FER: variants seen among roughly 807,000 people sequenced by gnomAD.
FER encodes FER tyrosine kinase.
A neutral mutation model predicts 111.0 loss-of-function variants in FER; 63 were observed. The observed-to-expected ratio is 0.57, with a 90% CI of 0.46 to 0.70. The LOEUF (loss-of-function observed/expected upper bound fraction) is 0.70. Among genes scored for constraint, FER ranks in the 30% least tolerant of loss-of-function variants. The pLI, the probability that FER is intolerant of heterozygous loss-of-function variation, is 0.00. For synonymous variants in FER, 327 were observed against 313.9 expected (o/e 1.04, Z -0.44); for missense variants, 914 against 954.0 (o/e 0.96, Z 0.55).
chr5:108,766,267 A>G (rs1054167897), intron 1 of FER, among the ~76,000 whole-genome samples: 3 of 152,214 alleles, frequency 2.0e-5, no homozygotes, highest in Non-Finnish European at 4.4e-5. Context: ...TAATTTTGTC[A>G]TGAATTTTAT....
intron 13 of FER, among the ~76,000 whole-genome samples, chr5:109,034,128 T>A (rs1365251144): frequency 6.6e-6 from 1 of 152,214 alleles, no homozygotes; most frequent in Non-Finnish European, 1.5e-5. Context: ...TTGGTCAACT[T>A]ATCTCCATTC....
intron 10 of FER, among the ~76,000 whole-genome samples, chr5:108,927,945 CG>C (rs1754015080): frequency 6.6e-6 from 1 of 152,112 alleles, no homozygotes. Flanking sequence ...GCACCAACTC[CG>C]GACTGCTTAC....
At position 108,902,901 on chromosome 5, in the gene FER, ATATTTATT is replaced by A. The variant is rs140692614; in HGVS notation, c.1236+5074_1236+5081del. ...AGTAAACATCAGCTGCTTTCTTATT[ATATTTATT>A]TATTTATTTATTTATTTATTAAGAG... On this transcript the variant is annotated intron_variant, in intron 10 of 19. Coordinates refer to ENST00000281092, the MANE Select transcript of FER (RefSeq NM_005246.4). Among the ~76,000 whole-genome samples, 69 of 151,064 alleles carry A rather than the reference ATATTTATT, an allele frequency of 4.6e-4. No individual in the cohort carries two copies. The Middle Eastern group carries it at 0.014, about 30-fold the overall frequency.
At chr5:109,044,143 A>G (rs1771598201) in intron 14 of FER, among the ~76,000 whole-genome samples, 1 of 151,466 alleles carries the variant, frequency 6.6e-6, no homozygotes, top group Non-Finnish European at 1.5e-5. Flanking sequence ...AGATTTCAAA[A>G]TGTCATCTCT....
At chr5:108,786,735 C>T (rs1207568536) in intron 2 of FER, among the ~76,000 whole-genome samples, 9 of 152,092 alleles carry the variant, frequency 5.9e-5, no homozygotes, top group African/African-American at 1.9e-4. Flanking sequence ...CTCCTAACCT[C>T]GTGATCCGCC....
At chr5:108,779,009 T>TC (rs1029854784) in intron 2 of FER, among the ~76,000 whole-genome samples, 5 of 139,396 alleles carry the variant, frequency 3.6e-5, no homozygotes, top group African/African-American at 8.2e-5. Context: ...GTGTCTAGGC[T>TC]CTTTTTTTTT....
At chr5:108,927,515 T>C (rs1331672137) in intron 10 of FER, among the ~76,000 whole-genome samples, 1 of 152,268 alleles carries the variant, frequency 6.6e-6, no homozygotes, top group East Asian at 1.9e-4. Flanking sequence ...TGCCTCGGCC[T>C]CCCAAAGTGC....
intron 2 of FER, among the ~76,000 whole-genome samples, chr5:108,770,589 G>A (rs887505586): frequency 6.6e-6 from 1 of 151,736 alleles, no homozygotes; most frequent in African/African-American, 2.4e-5. Context: ...GTTATGTTGT[G>A]CAGGCTGTTC....
At chr5:108,968,099 C>T (rs1362286467) in intron 13 of FER, among the ~76,000 whole-genome samples, 2 of 152,078 alleles carry the variant, frequency 1.3e-5, no homozygotes, top group Non-Finnish European at 2.9e-5. Flanking sequence ...AAATTACCTG[C>T]TAAAAGTGGC....
chr5:108,846,644 G>A (rs958182187), intron 5 of FER, among the ~76,000 whole-genome samples: 1 of 151,620 alleles, frequency 6.6e-6, no homozygotes, highest in Non-Finnish European at 1.5e-5. Context: ...GTGCAGTGGC[G>A]CGATCACGGC....
chr5:109,088,763 T>A (rs189775161), intron 16 of FER, among the ~76,000 whole-genome samples: 2 of 152,248 alleles, frequency 1.3e-5, no homozygotes, highest in Admixed American at 1.3e-4. Context: ...GATTACCTAC[T>A]AGGTAGTACC....
intron 15 of FER, among the ~76,000 whole-genome samples, chr5:109,045,937 T>A (rs138939850): frequency 5.9e-5 from 9 of 152,366 alleles, no homozygotes; most frequent in Admixed American, 5.2e-4. Flanking sequence ...AGCCAGTTCT[T>A]TTATAAACAA....
chr5:109,093,645 T>C (rs1037213108), intron 16 of FER, among the ~76,000 whole-genome samples: 2 of 152,166 alleles, frequency 1.3e-5, no homozygotes, highest in African/African-American at 4.8e-5. Flanking sequence ...CAGAAAATAT[T>C]GTTGACATTT....
At chr5:108,791,807 G>C (rs1755412816) in intron 2 of FER, among the ~76,000 whole-genome samples, 1 of 152,112 alleles carries the variant, frequency 6.6e-6, no homozygotes, top group Non-Finnish European at 1.5e-5. Flanking sequence ...GAATTTTATA[G>C]TTTTAGCTCT....
At chr5:109,092,778 AAAC>A (rs1746987565) in intron 16 of FER, among the ~76,000 whole-genome samples, 1 of 152,232 alleles carries the variant, frequency 6.6e-6, no homozygotes, top group African/African-American at 2.4e-5. Context: ...AAAGAATTGA[AAAC>A]AAGATTTTGA....
intron 16 of FER, among the ~76,000 whole-genome samples, chr5:109,092,209 A>G (rs1457221758): frequency 6.8e-6 from 1 of 147,424 alleles, no homozygotes; most frequent in Non-Finnish European, 1.5e-5. Flanking sequence ...ATATTTGGAT[A>G]TGACACCAAA....
At chr5:108,968,858 A>C (rs1038446510) in intron 13 of FER, among the ~76,000 whole-genome samples, 35 of 152,186 alleles carry the variant, frequency 2.3e-4, no homozygotes, top group Non-Finnish European at 1.6e-4. Flanking sequence ...AAGGACAACC[A>C]AATAAAAATA....
chr5:108,873,555 C>G (rs1356638308), intron 8 of FER, among the ~76,000 whole-genome samples: 1 of 152,202 alleles, frequency 6.6e-6, no homozygotes, highest in Non-Finnish European at 1.5e-5. Context: ...ATACTGACTA[C>G]TGGTGAGAGC....
intron 9 of FER, among the ~76,000 whole-genome samples, chr5:108,897,182 C>T (rs1188473804): frequency 1.2e-4 from 19 of 152,086 alleles, no homozygotes; most frequent in South Asian, 8.3e-4. Context: ...TTTCACTTGC[C>T]GCCAGACACA....
Sources: gnomAD v4.1 joint callset for allele counts (sites outside exome capture counted in the v4.1 genomes callset) on GRCh38, gnomAD v4.1.1 for gene constraint, MANE v1.5 for transcripts, NCBI Gene and HGNC (gene_info 2026-07-23, HGNC 2026-07-21) for gene names.